Variants in ANO4 observed in about 807,000 individuals in gnomAD.
The protein encoded by ANO4 is anoctamin 4.
ANO4 carries 69 observed loss-of-function variants against 141.9 expected under a neutral mutation model. The ratio of observed to expected loss-of-function variants is 0.49; its 90% CI spans 0.40 to 0.59. The LOEUF (loss-of-function observed/expected upper bound fraction) is 0.59, where lower values mean the gene tolerates loss of function less well. ANO4 is among the 20% of genes least tolerant of loss of function. The probability of loss-of-function intolerance (pLI) is 0.00; values close to 1 mark genes in which losing one functional copy is unlikely to be tolerated. For missense variants in ANO4, 894 were observed against 1,162.2 expected (o/e 0.77, Z 3.36); for synonymous variants, 350 against 394.3 (o/e 0.89, Z 1.33).
At chr12:100,739,101 T>C (rs2031749481) in intron 2 of ANO4, among the ~76,000 whole-genome samples, 1 of 87,596 alleles carries the variant, frequency 1.1e-5, no homozygotes, top group Non-Finnish European at 2.6e-5. Flanking sequence ...ATAATTTGTA[T>C]ATATATAAAA....
intron 1 of ANO4, among the ~76,000 whole-genome samples, chr12:100,818,198 T>A (rs762565831): frequency 1.3e-4 from 20 of 151,930 alleles, no homozygotes; most frequent in Non-Finnish European, 1.3e-4. Context: ...ATAATAAGTA[T>A]GAATGACATA....
At chr12:100,935,458 C>T (rs2042247339) in intron 3 of ANO4, among the ~76,000 whole-genome samples, 1 of 152,130 alleles carries the variant, frequency 6.6e-6, no homozygotes, top group East Asian at 1.9e-4. Context: ...TAATGGACTT[C>T]TCAGAGTATT....
At chr12:101,110,945 G>A (rs763500423) in intron 23 of ANO4, among the ~76,000 whole-genome samples, 3 of 152,068 alleles carry the variant, frequency 2.0e-5, no homozygotes, top group East Asian at 1.9e-4. Flanking sequence ...TTTTTCTAAC[G>A]GCAGAGATGA....
At chr12:100,732,825 A>G (rs1454798005) in intron 1 of ANO4, among the ~76,000 whole-genome samples, 1 of 152,168 alleles carries the variant, frequency 6.6e-6, no homozygotes, top group African/African-American at 2.4e-5. Context: ...TAAGGGTGGC[A>G]CCTACCTCGT....
intron 14 of ANO4, among the ~76,000 whole-genome samples, chr12:101,068,026 T>A (rs2048661837): frequency 6.6e-6 from 1 of 152,236 alleles, no homozygotes; most frequent in Non-Finnish European, 1.5e-5. Flanking sequence ...TGAAGCAGTA[T>A]AGACACTGTT....
At chr12:101,114,045 G>A (rs758871505) in intron 24 of ANO4, among the ~76,000 whole-genome samples, 64 of 152,122 alleles carry the variant, frequency 4.2e-4, no homozygotes, top group Non-Finnish European at 4.1e-4. Context: ...GATCATCAGT[G>A]TAGCCTCATC....
At chr12:101,039,159 T>C (rs1365494496) in intron 10 of ANO4, 2 of 152,172 alleles carry the variant, frequency 1.3e-5, no homozygotes, top group Admixed American at 6.5e-5. Flanking sequence ...GTCGATAACA[T>C]TGTGACAAGG....
intron 3 of ANO4, among the ~76,000 whole-genome samples, chr12:100,931,600 G>A (rs1393123621): frequency 6.6e-6 from 1 of 152,146 alleles, no homozygotes; most frequent in Non-Finnish European, 1.5e-5. Context: ...AGAATGAAAT[G>A]AGAAAATAGA....
chr12:100,830,401 T>C (rs2036573406), intron 1 of ANO4, among the ~76,000 whole-genome samples: 1 of 152,124 alleles, frequency 6.6e-6, no homozygotes, highest in Non-Finnish European at 1.5e-5. Flanking sequence ...TGATGTTTAA[T>C]GCGCTTTGAG....
chr12:101,107,307 G>C (rs755042935), intron 22 of ANO4, among the ~76,000 whole-genome samples: 1 of 152,138 alleles, frequency 6.6e-6, no homozygotes, highest in Admixed American at 6.5e-5. Context: ...AACCCCTGTA[G>C]TGAGTATGTA....
rs564769956 is a variant in ANO4 at position 100,761,068 on chromosome 12, G to A, written c.358+20963G>A. Among the ~76,000 whole-genome samples, 22 of 152,142 alleles carry A rather than the reference G, an allele frequency of 1.4e-4. No homozygotes were observed. The East Asian group carries it at 3.7e-3, about 25-fold the overall frequency. ...TTCCTTAATGCCTCTAGCCATTAAC[G>A]GCAAAGCCTATCTTTGTGGTGCCTT... On this transcript the variant is annotated intron_variant, in intron 3 of 29. Transcript: ENST00000644049.
At chr12:100,804,566 C>G (rs1467592131) in intron 1 of ANO4, among the ~76,000 whole-genome samples, 1 of 152,212 alleles carries the variant, frequency 6.6e-6, no homozygotes, top group Non-Finnish European at 1.5e-5. Flanking sequence ...ACACTCCCAC[C>G]AACAATGTAA....
At chr12:100,877,895 C>T (rs950185115) in intron 1 of ANO4, among the ~76,000 whole-genome samples, 1 of 152,092 alleles carries the variant, frequency 6.6e-6, no homozygotes, top group Non-Finnish European at 1.5e-5. Context: ...CGACTCCAGG[C>T]TCTTAAGCAG....
chr12:100,950,939 G>A (rs1185555374), intron 5 of ANO4, among the ~76,000 whole-genome samples: 1 of 152,176 alleles, frequency 6.6e-6, no homozygotes, highest in Non-Finnish European at 1.5e-5. Context: ...GAGAGAACAA[G>A]TACACATTGG....
intron 14 of ANO4, among the ~76,000 whole-genome samples, chr12:101,076,867 A>G (rs1454916569): frequency 6.6e-6 from 1 of 152,182 alleles, no homozygotes; most frequent in Non-Finnish European, 1.5e-5. Context: ...GGACCTGATA[A>G]AGGAAATATC....
chr12:101,041,932 G>A (rs1726332159), intron 11 of ANO4, among the ~76,000 whole-genome samples: 1 of 152,114 alleles, frequency 6.6e-6, no homozygotes, highest in Admixed American at 6.6e-5. Context: ...CTCTTAGACA[G>A]TTCCTATCCT....
chr12:101,118,849 TA>T (rs1162489348), intron 25 of ANO4, among the ~76,000 whole-genome samples: 5 of 151,076 alleles, frequency 3.3e-5, no homozygotes, highest in African/African-American at 1.2e-4. Context: ...GTATATCTCC[TA>T]ATGCTATCCC....
intron 1 of ANO4, among the ~76,000 whole-genome samples, chr12:100,799,939 A>T (rs2034580685): frequency 6.6e-6 from 1 of 152,040 alleles, no homozygotes; most frequent in South Asian, 2.1e-4. Flanking sequence ...CACAGCTGAC[A>T]CTGTGCCATT....
chr12:100,957,282 C>T (rs1045886279), intron 5 of ANO4, among the ~76,000 whole-genome samples: 6 of 152,176 alleles, frequency 3.9e-5, no homozygotes, highest in Non-Finnish European at 7.3e-5. Context: ...GGGAGGTGTC[C>T]TGGCTTCATA....
Sources: gnomAD v4.1 joint callset for allele counts (sites outside exome capture counted in the v4.1 genomes callset) on GRCh38, gnomAD v4.1.1 for gene constraint, MANE v1.5 for transcripts, NCBI Gene and HGNC (gene_info 2026-07-23, HGNC 2026-07-21) for gene names.